CFAP210: variants seen among roughly 807,000 people sequenced by gnomAD.
CFAP210 encodes cilia- and flagella- associated protein 210.
At chr2:169,650,353 T>G in the CFAP210 span, 14 of 1,594,776 alleles carry the variant, frequency 8.8e-6, no homozygotes, top group Non-Finnish European at 1.2e-5. Context: ...ATTCTGCAAT[T>G]GTTTTTAATT....
At chr2:169,683,830 C>G in the CFAP210 span, among the ~76,000 whole-genome samples, 6 of 151,950 alleles carry the variant, frequency 3.9e-5, no homozygotes, top group Non-Finnish European at 8.8e-5. Context: ...ACAAAGAGAA[C>G]AGCCACAAAT....
At chr2:169,675,159 T>A in the CFAP210 span, 1 of 779,096 alleles carries the variant, frequency 1.3e-6, no homozygotes, top group Non-Finnish European at 1.8e-6. Flanking sequence ...AATATTTTAT[T>A]AATAAATAAA....
the CFAP210 span, among the ~76,000 whole-genome samples, chr2:169,675,441 G>T: frequency 6.6e-6 from 1 of 152,188 alleles, no homozygotes; most frequent in African/African-American, 2.4e-5. Context: ...TACAATTGTG[G>T]CGGAAGGCAA....
chr2:169,686,466 G>C, the CFAP210 span, among the ~76,000 whole-genome samples: 1 of 152,120 alleles, frequency 6.6e-6, no homozygotes, highest in Non-Finnish European at 1.5e-5. Flanking sequence ...ATAAAGAACA[G>C]GATTTTATTT....
the CFAP210 span, chr2:169,649,214 G>C: frequency 1.2e-6 from 2 of 1,612,924 alleles, no homozygotes; most frequent in Non-Finnish European, 8.5e-7. Context: ...TGAACCTCTT[G>C]ATGTTCTTTA....
the CFAP210 span, among the ~76,000 whole-genome samples, chr2:169,652,038 A>C: frequency 6.6e-6 from 1 of 152,310 alleles, no homozygotes; most frequent in East Asian, 1.9e-4. Flanking sequence ...GAGCCTAAGC[A>C]TGTGCCTGGT....
chr2:169,650,734 C>CTGTGTGTGTGTGTGTGTGTGTGTGTGTG, the CFAP210 span, among the ~76,000 whole-genome samples: 1 of 147,108 alleles, frequency 6.8e-6, no homozygotes, highest in African/African-American at 2.5e-5. Flanking sequence ...TATGTATAAT[C>CTGTGTGTGTGTGTGTGTGTGTGTGTGTG]TGTGTGTGTG....
the CFAP210 span, chr2:169,694,130 T>A: frequency 1.2e-6 from 1 of 838,690 alleles, no homozygotes. Context: ...AGATGCTTAT[T>A]GAGGATGCTT....
the CFAP210 span, chr2:169,681,290 TC>T: frequency 2.3e-6 from 3 of 1,303,114 alleles, no homozygotes; most frequent in Non-Finnish European, 3.3e-6. Flanking sequence ...TAAGTGATAT[TC>T]GTCTGAGAAG....
At chr2:169,657,841 C>T in the CFAP210 span, among the ~76,000 whole-genome samples, 3 of 152,008 alleles carry the variant, frequency 2.0e-5, no homozygotes, top group African/African-American at 7.2e-5. Context: ...GAATATGAAA[C>T]AATTAATACA....
chr2:169,679,305 T>C, the CFAP210 span, among the ~76,000 whole-genome samples: 1 of 152,156 alleles, frequency 6.6e-6, no homozygotes, highest in Admixed American at 6.5e-5. Flanking sequence ...AAGGATTTGG[T>C]GTGCAGATAA....
chr2:169,656,344 G>A, the CFAP210 span, among the ~76,000 whole-genome samples: 1 of 138,590 alleles, frequency 7.2e-6, no homozygotes, highest in Non-Finnish European at 1.6e-5. Context: ...AAGGAGAAGA[G>A]AGGAAGAGGA....
At chr2:169,655,170 G>A in the CFAP210 span, among the ~76,000 whole-genome samples, 2 of 152,184 alleles carry the variant, frequency 1.3e-5, no homozygotes, top group African/African-American at 4.8e-5. Context: ...TAGACAGGGT[G>A]TCTGTTGCCC....
chr2:169,646,316 A>G, the CFAP210 span: 65,361 of 656,712 alleles, frequency 0.1, 3,811 homozygotes, highest in Middle Eastern at 0.18. Context: ...TTTAACAACT[A>G]TATACTATCA....
the CFAP210 span, among the ~76,000 whole-genome samples, chr2:169,654,479 A>G: frequency 6.6e-6 from 1 of 152,180 alleles, no homozygotes; most frequent in African/African-American, 2.4e-5. Flanking sequence ...AATATAGTTA[A>G]ATAAATCATA....
the CFAP210 span, among the ~76,000 whole-genome samples, chr2:169,669,273 T>G: frequency 8.5e-5 from 13 of 152,056 alleles, no homozygotes; most frequent in African/African-American, 3.1e-4. Flanking sequence ...AATGGAGGCA[T>G]CATAACTAAG....
chr2:169,646,265 G>A, the CFAP210 span: 1,475 of 1,021,650 alleles, frequency 1.4e-3, 16 homozygotes, highest in African/African-American at 0.02. Context: ...TGAAAATGTA[G>A]GTATAATTTT....
the CFAP210 span, chr2:169,681,311 T>C: frequency 1.4e-5 from 15 of 1,053,426 alleles, no homozygotes; most frequent in Non-Finnish European, 1.3e-5. Context: ...GTTCCGATAT[T>C]GGCATGATAA....
chr2:169,683,263 C>T, the CFAP210 span, among the ~76,000 whole-genome samples: 1 of 152,138 alleles, frequency 6.6e-6, no homozygotes, highest in South Asian at 2.1e-4. Context: ...ATCATCATGA[C>T]TCTTTAGTTG....
Sources: allele counts gnomAD v4.1 joint callset (sites outside exome capture counted in the v4.1 genomes callset), GRCh38; gene constraint gnomAD v4.1.1; transcripts MANE v1.5; gene names NCBI Gene and HGNC (gene_info 2026-07-23, HGNC 2026-07-21).